The following CNTNAP2 variants were observed in gnomAD, a reference collection of about 807,000 sequenced individuals.
CNTNAP2 encodes contactin associated protein 2, also known as contactin-associated protein-like 2.
A neutral mutation model predicts 155.2 loss-of-function variants in CNTNAP2; 98 were observed. The ratio of observed to expected loss-of-function variants is 0.63; its 90% confidence interval spans 0.54 to 0.75. The LOEUF (loss-of-function observed/expected upper bound fraction) is 0.75, where lower values mean the gene tolerates loss of function less well. CNTNAP2 is among the 30% of genes least tolerant of loss of function. CNTNAP2 has a pLI of 0.00. For missense variants in CNTNAP2, 1,727 were observed against 1,688.1 expected (o/e 1.02, Z -0.40); for synonymous variants, 651 against 631.2 (o/e 1.03, Z -0.47).
chr7:146,444,933 A>T (rs949130705), intron 1 of CNTNAP2, among the ~76,000 whole-genome samples: 8 of 152,014 alleles, frequency 5.3e-5, no homozygotes, highest in African/African-American at 1.9e-4. Context: ...CTGGGATTAC[A>T]GGCATGAGCC....
chr7:147,331,622 G>A (rs6952525), intron 9 of CNTNAP2, among the ~76,000 whole-genome samples: 29,692 of 151,910 alleles, frequency 0.2, 3,160 homozygotes, highest in East Asian at 0.36. Flanking sequence ...ATGAGACTTA[G>A]AAAAAGCAGG....
chr7:147,734,782 G>A (rs1199795824), intron 13 of CNTNAP2, among the ~76,000 whole-genome samples: 1 of 152,076 alleles, frequency 6.6e-6, no homozygotes, highest in Non-Finnish European at 1.5e-5. Context: ...CATGTCTTCT[G>A]GATTTTCTAG....
chr7:146,321,288 AATTATGAAAGAATT>A lies in CNTNAP2; in HGVS notation c.97+204317_97+204330del, dbSNP rs555758533. 3.4e-3 allele frequency among the ~76,000 whole-genome samples: 522 copies of A among 152,322 alleles called. 4 individuals carry two copies. Among genetic ancestry groups the A allele is most frequent in the Middle Eastern group, 0.024 (7 of 294 alleles). The stretch of plus-strand genomic sequence containing the variant: ...TTTTATTGTCATAGAATCAGATATA[AATTATGAAAGAATT>A]AAAACGAGAAGTTTTTAAATTTGTT... On this transcript the variant is annotated intron_variant, in intron 1 of 23. Coordinates refer to ENST00000361727, the MANE Select transcript of CNTNAP2 (RefSeq NM_014141.6).
At chr7:146,633,788 C>G (rs1000919790) in intron 1 of CNTNAP2, among the ~76,000 whole-genome samples, 5 of 139,024 alleles carry the variant, frequency 3.6e-5, no homozygotes, top group Non-Finnish European at 7.5e-5. Flanking sequence ...TTAGATCGTG[C>G]CACTGCACTC....
At chr7:146,800,500 A>G (rs1802855080) in intron 2 of CNTNAP2, among the ~76,000 whole-genome samples, 1 of 152,142 alleles carries the variant, frequency 6.6e-6, no homozygotes. Flanking sequence ...AAATACCTCT[A>G]CTCTAGCTGC....
chr7:147,498,863 G>C (rs28624559), intron 11 of CNTNAP2, among the ~76,000 whole-genome samples: 43,457 of 151,798 alleles, frequency 0.29, 6,315 homozygotes, highest in East Asian at 0.43. Context: ...TGAATATCAG[G>C]TAGTAAATTC....
chr7:147,868,362 G>T (rs375607669), intron 13 of CNTNAP2, among the ~76,000 whole-genome samples: 66 of 152,276 alleles, frequency 4.3e-4, no homozygotes, highest in Middle Eastern at 3.4e-3. Context: ...AGGGGTGCCT[G>T]CCTATATGAG....
chr7:147,589,474 C>T (rs1020539800), intron 12 of CNTNAP2, among the ~76,000 whole-genome samples: 3 of 152,176 alleles, frequency 2.0e-5, no homozygotes, highest in African/African-American at 7.2e-5. Flanking sequence ...ATTCCCCTTT[C>T]CTTCTCCCTT....
chr7:147,284,206 T>C lies in CNTNAP2; in HGVS notation c.1349-15935T>C, dbSNP rs1314761068. ...CAATACATCATCATTGGTCTTTCTA[T>C]TCCTCTCTATGGCACATGAATGTAT... On this transcript the variant is annotated intron_variant, in intron 8 of 23. Coordinates refer to ENST00000361727, the MANE Select transcript of CNTNAP2 (RefSeq NM_014141.6). Among the ~76,000 whole-genome samples the C allele has an allele frequency of 2.0e-5, 3 of 151,842 alleles. No homozygotes were observed. In the East Asian group the frequency reaches 5.8e-4, roughly 29 times the overall value.
chr7:147,842,836 T>C (rs533105026), intron 13 of CNTNAP2, among the ~76,000 whole-genome samples: 1 of 57,902 alleles, frequency 1.7e-5, no homozygotes, highest in Non-Finnish European at 3.4e-5. Context: ...AGTGAGAATA[T>C]GCGGTGTTTG....
rs2116846207 is a variant in CNTNAP2 at position 147,333,563 on chromosome 7, A to C, written c.1498+33273A>C. ...TTGAAGATAGTAGTAAATTTTACTT[A>C]AATTTTTGAAATATCATACTTGTTC... On this transcript the variant is annotated intron_variant, in intron 9 of 23. Transcript: ENST00000361727. 1.3e-5 allele frequency among the ~76,000 whole-genome samples: 2 copies of C among 152,310 alleles called. 1 individual carries two copies. The highest frequency in any genetic ancestry group is 4.1e-4 in the South Asian group (2 of 4,822).
intron 8 of CNTNAP2, among the ~76,000 whole-genome samples, chr7:147,269,871 G>C (rs78973976): frequency 6.6e-6 from 1 of 151,976 alleles, no homozygotes; most frequent in South Asian, 2.1e-4. Flanking sequence ...TGGATATTAT[G>C]GTAAGACCAC....
intron 12 of CNTNAP2, among the ~76,000 whole-genome samples, chr7:147,627,306 C>T (rs1223987642): frequency 6.6e-6 from 1 of 152,062 alleles, no homozygotes; most frequent in Non-Finnish European, 1.5e-5. Context: ...GCAATGGATC[C>T]AAACCAAAAA....
At chr7:148,020,470 T>A (rs36041215) in intron 15 of CNTNAP2, among the ~76,000 whole-genome samples, 1 of 152,158 alleles carries the variant, frequency 6.6e-6, no homozygotes, top group Admixed American at 6.5e-5. Flanking sequence ...TTGGTGAAGA[T>A]AAATGACTGA....
At chr7:148,185,485 T>C (rs562412163) in intron 18 of CNTNAP2, among the ~76,000 whole-genome samples, 1 of 152,196 alleles carries the variant, frequency 6.6e-6, no homozygotes, top group Non-Finnish European at 1.5e-5. Flanking sequence ...CATCTAAAAT[T>C]TTCCTCTTAT....
intron 9 of CNTNAP2, among the ~76,000 whole-genome samples, chr7:147,304,192 A>G (rs1794988932): frequency 6.6e-6 from 1 of 152,180 alleles, no homozygotes; most frequent in Non-Finnish European, 1.5e-5. Flanking sequence ...GATGATGTTT[A>G]ATCACCAAGA....
At chr7:147,115,114 C>T (rs1038243469) in intron 5 of CNTNAP2, among the ~76,000 whole-genome samples, 8 of 152,182 alleles carry the variant, frequency 5.3e-5, no homozygotes, top group East Asian at 1.9e-4. Flanking sequence ...AAATTCTTTT[C>T]TTTAAGAATA....
rs1173543790 is a variant in CNTNAP2, at chr7:148,419,471, C to T, written c.*3855C>T. 1 of 152,252 alleles carries T rather than the reference C, an allele frequency of 6.6e-6. No individual in the cohort carries two copies. The highest frequency in any genetic ancestry group is 1.5e-5 in the Non-Finnish European group (1 of 68,194). 9.4% of individuals were successfully genotyped at this position (152,252 alleles called of 1,614,324 possible). A position where few individuals can be genotyped will look rare whatever the true frequency, so the allele number is the denominator to read the frequency against. On this transcript the variant is annotated 3_prime_UTR_variant, in exon 24 of 24. Coordinates refer to ENST00000361727, the MANE Select transcript of CNTNAP2 (RefSeq NM_014141.6). The stretch of plus-strand genomic sequence containing the variant: ...TTGAGACGGAGTCTTGCTCTGTCCC[C>T]CAGGCTGGAGTGCACTGGCGCAATC...
chr7:146,273,978 A>T (rs1800125270), intron 1 of CNTNAP2, among the ~76,000 whole-genome samples: 1 of 152,176 alleles, frequency 6.6e-6, no homozygotes, highest in Non-Finnish European at 1.5e-5. Context: ...TATGTGTAAG[A>T]CCTTGACATT....
Sources: gnomAD v4.1 joint callset for allele counts (sites outside exome capture counted in the v4.1 genomes callset) on GRCh38, gnomAD v4.1.1 for gene constraint, MANE v1.5 for transcripts, NCBI Gene and HGNC (gene_info 2026-07-23, HGNC 2026-07-21) for gene names.